ANKS1B: variants seen among roughly 807,000 people sequenced by gnomAD.
ANKS1B encodes ankyrin repeat and sterile alpha motif domain-containing protein 1B.
A neutral mutation model predicts 148.3 loss-of-function variants in ANKS1B; 36 were observed. That is an observed-to-expected ratio of 0.24 (90% confidence interval 0.19 to 0.32). The LOEUF is 0.32. ANKS1B is among the 10% of genes least tolerant of loss of function. ANKS1B has a pLI of 1.00. For missense variants in ANKS1B, 1,157 were observed against 1,542.6 expected, an observed-to-expected ratio of 0.75 and a Z score of 4.19; for synonymous variants, 542 against 560.8, an observed-to-expected ratio of 0.97 and a Z score of 0.47.
At chr12:98,862,785 C>T (rs2099605906) in intron 17 of ANKS1B, among the ~76,000 whole-genome samples, 1 of 152,156 alleles carries the variant, frequency 6.6e-6, no homozygotes, top group African/African-American at 2.4e-5. Context: ...CATAAAAAAG[C>T]TGTTCAGGAC....
chr12:98,875,504 C>T (rs1387087137), intron 17 of ANKS1B, among the ~76,000 whole-genome samples: 2 of 152,180 alleles, frequency 1.3e-5, no homozygotes, highest in African/African-American at 4.8e-5. Context: ...GCTCTGTTGT[C>T]TGTTTGCCTG....
intron 17 of ANKS1B, among the ~76,000 whole-genome samples, chr12:98,832,601 C>A (rs2099327866): frequency 6.6e-6 from 1 of 152,262 alleles, no homozygotes; most frequent in African/African-American, 2.4e-5. Flanking sequence ...CCTGCTCAAC[C>A]ACCTGCCTGG....
At chr12:98,875,080 A>G (rs1178293729) in intron 17 of ANKS1B, among the ~76,000 whole-genome samples, 2 of 152,258 alleles carry the variant, frequency 1.3e-5, no homozygotes, top group Non-Finnish European at 2.9e-5. Context: ...TCTGTGGACT[A>G]GAAACTACCC....
At chr12:98,933,007 T>C (rs552488766) in intron 17 of ANKS1B, among the ~76,000 whole-genome samples, 11 of 152,236 alleles carry the variant, frequency 7.2e-5, no homozygotes, top group Non-Finnish European at 1.0e-4. Context: ...GATCTACCTC[T>C]GTAAACCATT....
At chr12:99,370,606 G>T (rs1349561732) in intron 12 of ANKS1B, among the ~76,000 whole-genome samples, 3 of 152,128 alleles carry the variant, frequency 2.0e-5, no homozygotes. Context: ...CCCTCTGGAT[G>T]GAAGGTAATT....
chr12:99,652,310 T>A (rs2098425592), intron 9 of ANKS1B, among the ~76,000 whole-genome samples: 2 of 151,846 alleles, frequency 1.3e-5, no homozygotes, highest in South Asian at 4.2e-4. Context: ...CCGTCTCTAC[T>A]AAAAACACAA....
chr12:99,461,292 A>AGTG lies in ANKS1B; in HGVS notation c.1439-17486_1439-17484dup, dbSNP rs1343013857. On this transcript the variant is annotated intron_variant, in intron 10 of 26. Coordinates refer to ENST00000683438, the MANE Select transcript of ANKS1B (RefSeq NM_001352186.2). Reference sequence around the variant, plus strand: ...GACTCAGGGGAAAGAGTGGAAGGGCAGTGAGGGATAAAAGTCTACACATTG... The same window carrying AGTG: ...GACTCAGGGGAAAGAGTGGAAGGGCAGTGGTGAGGGATAAAAGTCTACACATTG... Among the ~76,000 whole-genome samples, 3 of 151,970 alleles carry AGTG rather than the reference A, an allele frequency of 2.0e-5. No individual in the cohort carries two copies. The East Asian group carries it at 5.8e-4, about 29-fold the overall frequency.
chr12:99,692,805 G>A (rs762517890), intron 8 of ANKS1B, among the ~76,000 whole-genome samples: 35 of 152,212 alleles, frequency 2.3e-4, no homozygotes, highest in Admixed American at 5.9e-4. Context: ...TTGGAATGAC[G>A]GGATGGGGAA....
chr12:98,818,756 T>G (rs1328044941), intron 19 of ANKS1B, among the ~76,000 whole-genome samples: 1 of 152,230 alleles, frequency 6.6e-6, no homozygotes, highest in Non-Finnish European at 1.5e-5. Context: ...ATTCCTTTCT[T>G]GCAAAGTGAG....
chr12:99,659,644 TTG>T (rs926071354), intron 8 of ANKS1B, among the ~76,000 whole-genome samples: 93 of 149,674 alleles, frequency 6.2e-4, no homozygotes, highest in African/African-American at 2.2e-3. Flanking sequence ...TCGTGTGTGT[TTG>T]TGTGTCTGTG....
At chr12:99,841,480 T>C (rs1003601356) in intron 1 of ANKS1B, among the ~76,000 whole-genome samples, 2 of 152,074 alleles carry the variant, frequency 1.3e-5, no homozygotes, top group African/African-American at 4.8e-5. Flanking sequence ...TTTCTTGTCT[T>C]TTTTATTTCA....
chr12:99,481,395 ATATATACTACATTT>A (rs935036494), intron 10 of ANKS1B, among the ~76,000 whole-genome samples: 10 of 151,782 alleles, frequency 6.6e-5, no homozygotes, highest in Non-Finnish European at 1.3e-4. Flanking sequence ...TCCATGGCAT[ATATATACTACATTT>A]TATATACTAC....
intron 1 of ANKS1B, among the ~76,000 whole-genome samples, chr12:99,963,850 A>T (rs1384050177): frequency 1.3e-5 from 2 of 152,348 alleles, no homozygotes; most frequent in East Asian, 3.9e-4. Flanking sequence ...TTTAAAAATC[A>T]TAGTGGGAAT....
intron 14 of ANKS1B, among the ~76,000 whole-genome samples, chr12:99,211,902 T>C (rs939286726): frequency 2.6e-5 from 4 of 152,160 alleles, no homozygotes; most frequent in Non-Finnish European, 5.9e-5. Context: ...CCAAACCTCT[T>C]GGTGAAGTGA....
At chr12:99,361,054 A>G (rs2092420144) in intron 12 of ANKS1B, among the ~76,000 whole-genome samples, 2 of 152,240 alleles carry the variant, frequency 1.3e-5, no homozygotes, top group South Asian at 2.1e-4. Context: ...ACAGCACAGC[A>G]GGGTGACTAT....
chr12:99,396,165 A>G (rs1438695132), intron 12 of ANKS1B, among the ~76,000 whole-genome samples: 2 of 152,196 alleles, frequency 1.3e-5, no homozygotes, highest in Non-Finnish European at 2.9e-5. Flanking sequence ...ATTTATTACT[A>G]CAAATACCTA....
intron 8 of ANKS1B, among the ~76,000 whole-genome samples, chr12:99,737,469 T>C (rs1039603131): frequency 6.6e-6 from 1 of 152,120 alleles, no homozygotes; most frequent in Admixed American, 6.5e-5. Context: ...TTCTCACTCA[T>C]ATGTAGGAGG....
At chr12:99,873,774 C>A (rs553328083) in intron 1 of ANKS1B, among the ~76,000 whole-genome samples, 2 of 152,188 alleles carry the variant, frequency 1.3e-5, no homozygotes, top group East Asian at 1.9e-4. Context: ...AATCAGTAGA[C>A]TTTAAGTAAA....
In ANKS1B at chr12:99,641,724, C is replaced by A. The variant is rs138358418; in HGVS notation, c.1272+13343G>T. On this transcript the variant is annotated intron_variant, in intron 9 of 26. Coordinates refer to ENST00000683438, the MANE Select transcript of ANKS1B (RefSeq NM_001352186.2). ...ATTGATATCAATATCAAAATGATAT[C>A]AATTGAATATACTCTAGATAAGAGT... 3.8e-3 allele frequency among the ~76,000 whole-genome samples: 586 copies of A among 152,210 alleles called. 3 individuals are homozygous for A. Among genetic ancestry groups the A allele is most frequent in the African/African-American group, 0.013 (554 of 41,536 alleles).
Sources: gnomAD v4.1 joint callset for allele counts (sites outside exome capture counted in the v4.1 genomes callset) on GRCh38, gnomAD v4.1.1 for gene constraint, MANE v1.5 for transcripts, NCBI Gene and HGNC (gene_info 2026-07-23, HGNC 2026-07-21) for gene names.